ATG7: variants seen among roughly 807,000 people sequenced by gnomAD.
The protein encoded by ATG7 is ubiquitin-like modifier-activating enzyme ATG7.
Under a neutral mutation model 82.4 loss-of-function variants are expected in ATG7, and 70 were observed. The ratio of observed to expected loss-of-function variants is 0.85; its 90% CI spans 0.70 to 1.04. The LOEUF is 1.04. ATG7 is among the 50% of genes least tolerant of loss of function. ATG7 has a pLI of 0.00. For synonymous variants in ATG7, 287 were observed against 313.0 expected (o/e 0.92, Z 0.88); for missense variants, 792 against 864.3 (o/e 0.92, Z 1.05).
intron 1 of ATG7, among the ~76,000 whole-genome samples, chr3:11,280,644 A>T (rs1022347226): frequency 1.3e-5 from 2 of 152,186 alleles, no homozygotes; most frequent in African/African-American, 4.8e-5. Context: ...CCTGAATTTT[A>T]GTCACTTGTA....
intron 6 of ATG7, among the ~76,000 whole-genome samples, chr3:11,307,285 G>T (rs1282456944): frequency 6.6e-6 from 1 of 152,210 alleles, no homozygotes; most frequent in Non-Finnish European, 1.5e-5. Context: ...CCTGGGATAG[G>T]CTGGAAATAA....
chr3:11,313,689 A>C (rs1399038896), intron 8 of ATG7, among the ~76,000 whole-genome samples: 1 of 152,190 alleles, frequency 6.6e-6, no homozygotes, highest in African/African-American at 2.4e-5. Context: ...TGTAGCTTCA[A>C]CTTCTCAGGC....
intron 19 of ATG7, among the ~76,000 whole-genome samples, chr3:11,416,349 T>G (rs1381935052): frequency 6.6e-6 from 1 of 152,192 alleles, no homozygotes; most frequent in Admixed American, 6.5e-5. Flanking sequence ...GCTTTCTATT[T>G]GGGAAGGTTA....
intron 9 of ATG7, among the ~76,000 whole-genome samples, chr3:11,323,955 T>G (rs1451301632): frequency 6.6e-6 from 1 of 152,244 alleles, no homozygotes; most frequent in Non-Finnish European, 1.5e-5. Flanking sequence ...AAAATGTTCT[T>G]GCTGAAGACA....
intron 19 of ATG7, among the ~76,000 whole-genome samples, chr3:11,382,320 C>G (rs184115899): frequency 6.6e-6 from 1 of 152,298 alleles, no homozygotes; most frequent in Non-Finnish European, 1.5e-5. Flanking sequence ...CGCACGCGAG[C>G]GAGAGCTTTT....
In ATG7 at chr3:11,428,270, A is replaced by C. The variant is rs139071704; in HGVS notation, c.2079+1344A>C. Among the ~76,000 whole-genome samples the C allele has an allele frequency of 3.0e-3, 450 of 152,376 alleles. 4 individuals carry two copies. The highest frequency in any genetic ancestry group is 0.01 in the African/African-American group (428 of 41,588). ...CCAAGTTGTCAATGAATAGATGGCC[A>C]GGCCCAATACTGGACCAGCCAGTGG... On this transcript the variant is annotated intron_variant, in intron 20 of 20. Transcript: ENST00000693202.
At chr3:11,393,597 C>T (rs2078985738) in intron 19 of ATG7, among the ~76,000 whole-genome samples, 1 of 152,138 alleles carries the variant, frequency 6.6e-6, no homozygotes, top group Non-Finnish European at 1.5e-5. Flanking sequence ...TTTGGCCTGC[C>T]ATGGTGTTTT....
At chr3:11,367,597 C>CCT (rs2076711706) in intron 18 of ATG7, among the ~76,000 whole-genome samples, 1 of 152,124 alleles carries the variant, frequency 6.6e-6, no homozygotes, top group South Asian at 2.1e-4. Context: ...GTTGTTCTGT[C>CCT]TCTGGGTCCA....
chr3:11,548,518 C>T (rs1327295814), intron 20 of ATG7, among the ~76,000 whole-genome samples: 1 of 152,212 alleles, frequency 6.6e-6, no homozygotes, highest in African/African-American at 2.4e-5. Flanking sequence ...CCTTCATCCC[C>T]ACCTGCCCTC....
chr3:11,417,800 A>ATTATTTTTTTTTTTTT (rs1553652380), intron 19 of ATG7, among the ~76,000 whole-genome samples: 38 of 109,338 alleles, frequency 3.5e-4, no homozygotes, highest in Non-Finnish European at 5.3e-4. Context: ...TATTATTATT[A>ATTATTTTTTTTTTTTT]TTTTATTTTA....
intron 19 of ATG7, among the ~76,000 whole-genome samples, chr3:11,411,101 C>T (rs1454161979): frequency 6.6e-6 from 1 of 152,116 alleles, no homozygotes; most frequent in Non-Finnish European, 1.5e-5. Context: ...CTCATCAACA[C>T]TTGTTATTTT....
In ATG7 at chr3:11,331,430, T is replaced by C; in HGVS notation, c.767+2T>C. The C allele has an allele frequency of 6.3e-7, 1 of 1,586,972 alleles. No individual in the cohort carries two copies. Among genetic ancestry groups the C allele is most frequent in the Non-Finnish European group, 8.7e-7 (1 of 1,155,292 alleles). ...TTTGGTCCTAGCAGCCCACAGATGG[T>C]ATTTACAAGAGTGTGTGTTTGTCTG... On this transcript the variant is annotated splice_donor_variant, in intron 10 of 20. Coordinates refer to ENST00000693202, the MANE Select transcript of ATG7 (RefSeq NM_001349232.2). LOFTEE classifies it high-confidence loss of function.
At position 11,418,163 on chromosome 3, in the gene ATG7, C is replaced by T. The variant is rs111752053; in HGVS notation, c.1957-8641C>T. Among the ~76,000 whole-genome samples the T allele has an allele frequency of 4.2e-3, 637 of 151,582 alleles. 6 individuals are homozygous for T. The highest frequency in any genetic ancestry group is 0.014 in the African/African-American group (598 of 41,354). On this transcript the variant is annotated intron_variant, in intron 19 of 20. Coordinates refer to ENST00000693202, the MANE Select transcript of ATG7 (RefSeq NM_001349232.2). ...TCTGTTGTCCAGGCTGGAGTGCAAT[C>T]GTGCGATCTCAGCTCACTGCAGCCT...
At chr3:11,575,904 G>A in the ATG7 span, among the ~76,000 whole-genome samples, 1 of 152,218 alleles carries the variant, frequency 6.6e-6, no homozygotes, top group Admixed American at 6.5e-5. Context: ...CCTCTAGAGA[G>A]GCGGGACTCA....
At chr3:11,443,565 TTAG>T in intron 20 of ATG7, among the ~76,000 whole-genome samples, 1 of 152,148 alleles carries the variant, frequency 6.6e-6, no homozygotes, top group East Asian at 1.9e-4. Flanking sequence ...TTTTTGTATC[TTAG>T]TAGAGACAGG....
downstream of ATG7, chr3:11,559,277 G>A: frequency 6.8e-7 from 1 of 1,475,454 alleles, no homozygotes; most frequent in Non-Finnish European, 9.0e-7. Flanking sequence ...TGACAGAGAA[G>A]GGCTCTGCTG....
chr3:11,564,850 C>T, the ATG7 span: 11 of 1,604,774 alleles, frequency 6.9e-6, no homozygotes, highest in East Asian at 4.5e-5. Flanking sequence ...GGCCTGCTGG[C>T]GTCCAGGCTG....
intron 1 of ATG7, among the ~76,000 whole-genome samples, chr3:11,279,633 C>G (rs1012739871): frequency 2.6e-5 from 4 of 152,010 alleles, no homozygotes; most frequent in African/African-American, 4.8e-5. Context: ...GCAGTGAAGC[C>G]GAAATTGAGC....
At position 11,481,545 on chromosome 3, in the gene ATG7, C is replaced by T. The variant is rs552075846; in HGVS notation, c.2079+54619C>T. Among the ~76,000 whole-genome samples the T allele has an allele frequency of 1.1e-4, 16 of 152,240 alleles. No homozygotes were observed. The South Asian group carries it at 3.3e-3, about 32-fold the overall frequency. ...GATTTGTCCTGTTATGAGAATATTA[C>T]CTAAGATCTTATCTAAGTTAACAAA... On this transcript the variant is annotated intron_variant, in intron 20 of 20. Coordinates refer to ENST00000693202, the MANE Select transcript of ATG7 (RefSeq NM_001349232.2).
Sources: gnomAD v4.1 joint callset for allele counts (sites outside exome capture counted in the v4.1 genomes callset) on GRCh38, gnomAD v4.1.1 for gene constraint, MANE v1.5 for transcripts, NCBI Gene and HGNC (gene_info 2026-07-23, HGNC 2026-07-21) for gene names.